The following AQR variants were observed in gnomAD, a reference collection of about 807,000 sequenced individuals.
AQR encodes the protein aquarius intron-binding spliceosomal factor, also known as RNA helicase aquarius.
AQR carries 61 observed loss-of-function variants against 180.5 expected under a neutral mutation model. The ratio of observed to expected loss-of-function variants is 0.34; its 90% CI spans 0.28 to 0.42. AQR has a LOEUF of 0.42. Ranked by LOEUF, AQR falls within the 10% of genes least tolerant of loss-of-function variation. AQR has a pLI of 1.00. For missense variants in AQR, 1,281 were observed against 1,798.3 expected, an observed-to-expected ratio of 0.71 and a Z score of 5.20; for synonymous variants, 551 against 588.8, an observed-to-expected ratio of 0.94 and a Z score of 0.93.
At chr15:34,878,385 CAAAAAAAAAAAAA>C (rs5811839) in intron 27 of AQR, among the ~76,000 whole-genome samples, 1 of 41,660 alleles carries the variant, frequency 2.4e-5, no homozygotes, top group African/African-American at 9.4e-5. Flanking sequence ...GACTCTGTCT[CAAAAAAAAAAAAA>C]AAAAAAAAAA....
chr15:34,963,661 CTTTTTT>C (rs35112194), intron 2 of AQR, among the ~76,000 whole-genome samples: 3 of 148,602 alleles, frequency 2.0e-5, no homozygotes, highest in Admixed American at 2.0e-4. Context: ...TACACGTACA[CTTTTTT>C]TTTTTCTTTT....
At chr15:34,947,774 G>A (rs1894152988) in intron 5 of AQR, among the ~76,000 whole-genome samples, 1 of 151,810 alleles carries the variant, frequency 6.6e-6, no homozygotes, top group African/African-American at 2.4e-5. Flanking sequence ...CAAGTAGCTG[G>A]GACTACAGAC....
At chr15:34,954,854 T>C (rs1256112465) in intron 3 of AQR, among the ~76,000 whole-genome samples, 1 of 151,842 alleles carries the variant, frequency 6.6e-6, no homozygotes, top group Non-Finnish European at 1.5e-5. Context: ...CCGGGCATGG[T>C]GGCTCACGCC....
intron 32 of AQR, among the ~76,000 whole-genome samples, chr15:34,867,155 G>GA (rs1892747110): frequency 1.3e-5 from 2 of 151,970 alleles, no homozygotes; most frequent in African/African-American, 4.8e-5. Flanking sequence ...TTGTGTATGA[G>GA]AAAAAATGAG....
intron 16 of AQR, among the ~76,000 whole-genome samples, chr15:34,910,881 A>G (rs1303945180): frequency 6.6e-6 from 1 of 152,192 alleles, no homozygotes; most frequent in African/African-American, 2.4e-5. Flanking sequence ...TTTACATTAG[A>G]TCTCCAAACT....
rs1309295114 is a variant in AQR, at chr15:34,852,520, CAA to C, written c.*4270_*4271del. The C allele has an allele frequency of 2.6e-5, 4 of 151,738 alleles. No individual in the cohort carries two copies. The highest frequency in any genetic ancestry group is 5.9e-5 in the Non-Finnish European group (4 of 67,918). The allele number at this position is 151,738 out of a possible 1,614,324, so 9.4% of individuals were successfully genotyped here. A position where few individuals can be genotyped will look rare whatever the true frequency, so the allele number is the denominator to read the frequency against. On this transcript the variant is annotated 3_prime_UTR_variant, in exon 35 of 35. Coordinates refer to ENST00000156471, the MANE Select transcript of AQR (RefSeq NM_014691.3). ...AAGGTATCTTATTAAAACAAATGAACAAAAAGTTTCCCAAACTGTGTTCTAAG... is the reference window on the plus strand; with the variant it reads ...AAGGTATCTTATTAAAACAAATGAACAAAGTTTCCCAAACTGTGTTCTAAG...
intron 30 of AQR, among the ~76,000 whole-genome samples, chr15:34,872,841 A>AAG (rs929793126): frequency 6.6e-6 from 1 of 152,034 alleles, no homozygotes; most frequent in Admixed American, 6.6e-5. Context: ...TTTTGCTGTA[A>AAG]AGAGAGAGAG....
chr15:34,959,597 C>A (rs980287802), intron 3 of AQR, among the ~76,000 whole-genome samples: 1 of 152,180 alleles, frequency 6.6e-6, no homozygotes, highest in Non-Finnish European at 1.5e-5. Context: ...CCAATCCTAC[C>A]CCCAACAACG....
intron 33 of AQR, among the ~76,000 whole-genome samples, chr15:34,860,443 T>C (rs1794153695): frequency 6.6e-6 from 1 of 151,916 alleles, no homozygotes; most frequent in African/African-American, 2.4e-5. Context: ...AGAATAGTGA[T>C]TCCATTGAAA....
intron 8 of AQR, among the ~76,000 whole-genome samples, chr15:34,939,524 G>A (rs1893993769): frequency 6.6e-6 from 1 of 152,290 alleles, no homozygotes. Flanking sequence ...TAACGTTTAA[G>A]TATAATAGAG....
chr15:34,895,727 G>C (rs1893233803), intron 22 of AQR, among the ~76,000 whole-genome samples: 2 of 151,868 alleles, frequency 1.3e-5, no homozygotes, highest in Non-Finnish European at 2.9e-5. Flanking sequence ...CAGAACTAAA[G>C]GAGAAATAGA....
At chr15:34,890,383 A>G (rs1893126083) in intron 23 of AQR, 59 bp from the exon 24 acceptor site, 3 of 1,401,468 alleles carry the variant, frequency 2.1e-6, no homozygotes, top group Non-Finnish European at 3.0e-6. Flanking sequence ...ACTAACATTT[A>G]GAAAGAATCA....
intron 22 of AQR, among the ~76,000 whole-genome samples, chr15:34,895,437 C>A (rs1251719567): frequency 6.6e-6 from 1 of 150,754 alleles, no homozygotes; most frequent in Admixed American, 6.6e-5. Context: ...AAGCAACATA[C>A]CTAAAGTATA....
intron 6 of AQR, among the ~76,000 whole-genome samples, chr15:34,943,690 T>C (rs183340844): frequency 5.9e-5 from 9 of 152,060 alleles, no homozygotes; most frequent in African/African-American, 2.2e-4. Context: ...ACTAAATAAA[T>C]ATGTGTATTT....
At chr15:34,910,366 C>G in intron 16 of AQR, 53 bp from the exon 17 acceptor site, 1 of 1,587,980 alleles carries the variant, frequency 6.3e-7, no homozygotes, top group South Asian at 1.1e-5. Context: ...TTATCCCCAA[C>G]TTTTAGACAA....
chr15:34,901,791 A>AT (rs1893336029), intron 19 of AQR, among the ~76,000 whole-genome samples: 1 of 152,176 alleles, frequency 6.6e-6, no homozygotes. Flanking sequence ...CCCTACTATC[A>AT]TTTGTTTAAT....
rs931201364 is a variant in AQR at position 34,852,355 on chromosome 15, G to C, written c.*4437C>G. The C allele has an allele frequency of 6.6e-6, 1 of 152,116 alleles. No individual in the cohort carries two copies. Among genetic ancestry groups the C allele is most frequent in the African/African-American group, 2.4e-5 (1 of 41,404 alleles). The allele number at this position is 152,116 out of a possible 1,614,324, so 9.4% of individuals were successfully genotyped here. On this transcript the variant is annotated 3_prime_UTR_variant, in exon 35 of 35. Coordinates refer to ENST00000156471, the MANE Select transcript of AQR (RefSeq NM_014691.3). Reference sequence around the variant, plus strand: ...CTGGCTAATTTTTGTCTTTTTAGTAGAGACGGGGTTTCACCATGTTGGGCC... The same window carrying C: ...CTGGCTAATTTTTGTCTTTTTAGTACAGACGGGGTTTCACCATGTTGGGCC...
At chr15:34,901,802 C>T (rs926533389) in intron 19 of AQR, among the ~76,000 whole-genome samples, 2 of 152,112 alleles carry the variant, frequency 1.3e-5, no homozygotes, top group Non-Finnish European at 2.9e-5. Flanking sequence ...TTTGTTTAAT[C>T]CCTACTAAAA....
chr15:34,900,571 G>C (rs375399275), intron 20 of AQR, 51 bp downstream of exon 20: 1 of 1,575,882 alleles, frequency 6.3e-7, no homozygotes, highest in East Asian at 2.3e-5. Context: ...ATGGCATAAC[G>C]TACATTGACT....
Sources: allele counts gnomAD v4.1 joint callset (sites outside exome capture counted in the v4.1 genomes callset), GRCh38; gene constraint gnomAD v4.1.1; transcripts MANE v1.5; gene names NCBI Gene and HGNC (gene_info 2026-07-23, HGNC 2026-07-21).